Variants in TSG101 observed in about 807,000 individuals in gnomAD.
TSG101 encodes the protein tumor susceptibility gene 101 protein.
A neutral mutation model predicts 48.5 loss-of-function variants in TSG101; 19 were observed. The observed-to-expected ratio is 0.39, with a 90% confidence interval of 0.27 to 0.58. The LOEUF (loss-of-function observed/expected upper bound fraction) is 0.58, where lower values mean the gene tolerates loss of function less well. Among genes scored for constraint, TSG101 ranks in the 20% least tolerant of loss-of-function variants. The pLI, the probability that TSG101 is intolerant of heterozygous loss-of-function variation, is 0.55. For synonymous variants in TSG101, 174 were observed against 169.4 expected (o/e 1.03, Z -0.21); for missense variants, 365 against 484.4 (o/e 0.75, Z 2.31).
In TSG101 at chr11:18,503,594, A is replaced by C. The variant is rs541691217; in HGVS notation, c.549-1017T>G. Among the ~76,000 whole-genome samples, 7 of 152,036 alleles carry C rather than the reference A, an allele frequency of 4.6e-5. No individual in the cohort carries two copies. The South Asian group carries it at 8.3e-4, about 18-fold the overall frequency. Reference sequence around the variant, plus strand: ...TCACCATGTTAGCCAGGATGGTCTCAATCTCCTGACCTCGTGATTCACCCG... The same window carrying C: ...TCACCATGTTAGCCAGGATGGTCTCCATCTCCTGACCTCGTGATTCACCCG... On this transcript the variant is annotated intron_variant, in intron 6 of 9. Coordinates refer to ENST00000251968, the MANE Select transcript of TSG101 (RefSeq NM_006292.4).
chr11:18,489,888 G>A (rs1436364979), intron 7 of TSG101, among the ~76,000 whole-genome samples: 1 of 152,148 alleles, frequency 6.6e-6, no homozygotes, highest in Admixed American at 6.5e-5. Flanking sequence ...TCTGGTATCA[G>A]ATTAAACTTT....
intron 7 of TSG101, among the ~76,000 whole-genome samples, chr11:18,499,402 A>ATATATATATATATATATATATTTTTTTT: frequency 3.7e-4 from 2 of 5,456 alleles, no homozygotes; most frequent in African/African-American, 5.0e-4. Flanking sequence ...ATATATATAT[A>ATATATATATATATATATATATTTTTTTT]TTTTTTTTTT....
chr11:18,512,798 GCTCAC>G (rs1343433169), intron 4 of TSG101, among the ~76,000 whole-genome samples: 2 of 147,550 alleles, frequency 1.4e-5, no homozygotes, highest in African/African-American at 5.0e-5. Context: ...TGCGATCTCG[GCTCAC>G]TGCAACCTCC....
At chr11:18,526,595 C>CG (rs1850378803) in intron 1 of TSG101, among the ~76,000 whole-genome samples, 180 bp downstream of exon 1, 1 of 152,240 alleles carries the variant, frequency 6.6e-6, no homozygotes, top group South Asian at 2.1e-4. Flanking sequence ...AGCTCCCGTA[C>CG]GGGGATTCCC....
intron 4 of TSG101, among the ~76,000 whole-genome samples, chr11:18,514,472 T>C (rs1850136717): frequency 1.3e-5 from 2 of 152,236 alleles, no homozygotes; most frequent in African/African-American, 4.8e-5. Flanking sequence ...AAATATTGAA[T>C]ATAAGTATTC....
At position 18,489,227 on chromosome 11, in the gene TSG101, AT is replaced by A. The variant is rs113489427; in HGVS notation, c.641-5156del. Among the ~76,000 whole-genome samples, 1,350 of 142,122 alleles carry A rather than the reference AT, an allele frequency of 9.5e-3. 16 individuals carry two copies. Among genetic ancestry groups the A allele is most frequent in the African/African-American group, 0.027 (1,044 of 39,114 alleles). The allele number at this position is 142,122 out of a possible 152,430, so 93.2% of individuals were successfully genotyped here. On this transcript the variant is annotated intron_variant, in intron 7 of 9. Coordinates refer to ENST00000251968, the MANE Select transcript of TSG101 (RefSeq NM_006292.4). ...GGCAATCTCTACAGAACATCATTCT[AT>A]TTTTTTTTTTTTTTGGAGATGAGGT...
rs1168812982 is a variant in TSG101 at position 18,512,729 on chromosome 11, T to TA, written c.357+1948_357+1949insT. 2.0e-5 allele frequency among the ~76,000 whole-genome samples: 3 copies of TA among 148,750 alleles called. No homozygotes were observed. The East Asian group carries it at 6.0e-4, about 30-fold the overall frequency. The stretch of plus-strand genomic sequence containing the variant: ...CTGATTGAAGGACAGACAGATTTTT[T>TA]TTTTTTTTTTTTTTGAGACAGTCTC... On this transcript the variant is annotated intron_variant, in intron 4 of 9. Coordinates refer to ENST00000251968, the MANE Select transcript of TSG101 (RefSeq NM_006292.4).
intron 1 of TSG101, among the ~76,000 whole-genome samples, chr11:18,523,628 G>A (rs1458957675): frequency 1.3e-5 from 2 of 152,006 alleles, no homozygotes; most frequent in Non-Finnish European, 2.9e-5. Context: ...TCAGCTTCCC[G>A]AGTAGCTGGG....
intron 5 of TSG101, among the ~76,000 whole-genome samples, chr11:18,509,028 T>C (rs144452331): frequency 1.3e-5 from 2 of 152,300 alleles, no homozygotes; most frequent in African/African-American, 4.8e-5. Flanking sequence ...ACTCTCTCCA[T>C]GCTCCCACCA....
intron 6 of TSG101, among the ~76,000 whole-genome samples, chr11:18,505,325 C>T (rs1294955588): frequency 2.0e-5 from 3 of 151,566 alleles, no homozygotes; most frequent in South Asian, 2.1e-4. Flanking sequence ...GGTGCAATTA[C>T]GGCTCATTGC....
intron 6 of TSG101, among the ~76,000 whole-genome samples, chr11:18,503,396 G>A (rs953072729): frequency 3.8e-5 from 5 of 133,174 alleles, no homozygotes; most frequent in East Asian, 2.3e-4. Flanking sequence ...TTTTTGAGAC[G>A]GAGTCTCGCC....
At chr11:18,491,976 G>A (rs941284102) in intron 7 of TSG101, among the ~76,000 whole-genome samples, 14 of 152,102 alleles carry the variant, frequency 9.2e-5, no homozygotes, top group Non-Finnish European at 1.6e-4. Context: ...AATTTAGACC[G>A]AATAAAAATC....
At chr11:18,494,140 A>AT (rs1565085021) in intron 7 of TSG101, among the ~76,000 whole-genome samples, 1 of 152,254 alleles carries the variant, frequency 6.6e-6, no homozygotes, top group Non-Finnish European at 1.5e-5. Context: ...GTAAGTAGGT[A>AT]TAAGTCTTGC....
intron 4 of TSG101, 63 bp downstream of exon 4, chr11:18,514,615 G>A (rs1850139376): frequency 2.9e-6 from 4 of 1,378,312 alleles, no homozygotes; most frequent in Non-Finnish European, 3.8e-6. Flanking sequence ...CTAAAAGAAA[G>A]CAGATGCTAG....
chr11:18,481,520 TAAAG>T (rs1247083841), intron 9 of TSG101, 106 bp downstream of exon 9: 2 of 1,486,758 alleles, frequency 1.3e-6, no homozygotes, highest in Non-Finnish European at 8.9e-7. Context: ...TTTGGGAAGA[TAAAG>T]AATCTTAATC....
intron 7 of TSG101, among the ~76,000 whole-genome samples, chr11:18,492,622 C>T (rs1849715110): frequency 6.6e-6 from 1 of 151,962 alleles, no homozygotes; most frequent in Admixed American, 6.6e-5. Flanking sequence ...AAGAACCAAG[C>T]CGAGGCAGCA....
intron 1 of TSG101, among the ~76,000 whole-genome samples, chr11:18,524,531 C>A (rs1850334178): frequency 6.6e-6 from 1 of 152,208 alleles, no homozygotes; most frequent in Admixed American, 6.5e-5. Flanking sequence ...AGGAGCCCCA[C>A]AACTGCTTCT....
At chr11:18,510,894 G>A (rs971016884) in intron 4 of TSG101, 2 of 152,058 alleles carry the variant, frequency 1.3e-5, no homozygotes, top group Non-Finnish European at 2.9e-5. Context: ...TCCAGCCTGG[G>A]TTAGAGTGAG....
At chr11:18,517,365 TC>T (rs1850196253) in intron 2 of TSG101, among the ~76,000 whole-genome samples, 2 of 152,372 alleles carry the variant, frequency 1.3e-5, no homozygotes, top group Admixed American at 1.3e-4. Flanking sequence ...CATTTTTCTA[TC>T]TATAATTTAT....
Sources: allele counts gnomAD v4.1 joint callset (sites outside exome capture counted in the v4.1 genomes callset), GRCh38; gene constraint gnomAD v4.1.1; transcripts MANE v1.5; gene names NCBI Gene and HGNC (gene_info 2026-07-23, HGNC 2026-07-21).